UNC13B: variants seen among roughly 807,000 people sequenced by gnomAD.
UNC13B encodes the protein protein unc-13 homolog B.
UNC13B carries 144 observed loss-of-function variants against 211.0 expected under a neutral mutation model. That is an observed-to-expected ratio of 0.68 (90% CI 0.60 to 0.78). The LOEUF is 0.78. Among genes scored for constraint, UNC13B ranks in the 30% least tolerant of loss-of-function variants. The pLI is 0.00. For missense variants in UNC13B, 1,777 were observed against 2,002.0 expected, an observed-to-expected ratio of 0.89 and a Z score of 2.14; for synonymous variants, 709 against 725.8, an observed-to-expected ratio of 0.98 and a Z score of 0.37.
chr9:35,347,684 C>A (rs112995277), intron 11 of UNC13B, among the ~76,000 whole-genome samples: 2,092 of 152,264 alleles, frequency 0.014, 27 homozygotes, highest in Non-Finnish European at 0.022. Flanking sequence ...GGTGTGGAGG[C>A]TTTTGTTTGT....
At chr9:35,207,478 T>TTTA (rs1823724459) in intron 1 of UNC13B, among the ~76,000 whole-genome samples, 16 of 143,042 alleles carry the variant, frequency 1.1e-4, no homozygotes, top group African/African-American at 1.5e-4. Flanking sequence ...AGAAATTAAT[T>TTTA]TTTATTTATT....
chr9:35,376,313 C>A, intron 15 of UNC13B, 66 bp downstream of exon 15: 3 of 1,520,792 alleles, frequency 2.0e-6, no homozygotes, highest in Non-Finnish European at 2.7e-6. Context: ...TAGTCTGCAG[C>A]AAAGAGCTGG....
At chr9:35,342,627 A>G (rs1832075694) in intron 11 of UNC13B, among the ~76,000 whole-genome samples, 1 of 152,038 alleles carries the variant, frequency 6.6e-6, no homozygotes, top group African/African-American at 2.4e-5. Flanking sequence ...GTGCATATTC[A>G]TATACAAATA....
intron 1 of UNC13B, among the ~76,000 whole-genome samples, chr9:35,193,181 A>T (rs939950270): frequency 2.0e-5 from 3 of 152,130 alleles, no homozygotes; most frequent in Non-Finnish European, 4.4e-5. Flanking sequence ...CATTTGGGCA[A>T]TTGTTGCACT....
chr9:35,381,209 C>G lies in UNC13B; in HGVS notation c.10485C>G (p.Leu3495=). The change falls in exon 19 of 40, where the codon CTC becomes CTG. Residue 3495 remains leucine, a synonymous_variant. Transcript: ENST00000635942. ...VAPYHVQYTC[L]HENLFHYLTD... is the part of the protein sequence containing the mutation. ...CATACCACGTGCAGTATACATGTCT[C>G]CATGAGGTGAGCCAGCCCTTGGTAG... 1.9e-6 allele frequency: 3 copies of G among 1,613,152 alleles called. No individual in the cohort carries two copies. The highest frequency in any genetic ancestry group is 2.5e-6 in the Non-Finnish European group (3 of 1,179,594).
intron 11 of UNC13B, chr9:35,364,664 T>C: frequency 1.7e-6 from 2 of 1,208,386 alleles, no homozygotes; most frequent in Non-Finnish European, 2.3e-6. Context: ...TGTGTGTGTG[T>C]ACATGCACAT....
chr9:35,329,733 C>T (rs977986736), intron 11 of UNC13B, among the ~76,000 whole-genome samples: 3 of 152,126 alleles, frequency 2.0e-5, no homozygotes, highest in Non-Finnish European at 2.9e-5. Context: ...AAACAATCTG[C>T]CCCCCTTGGC....
chr9:35,399,038 A>G lies in UNC13B; in HGVS notation c.12074+4A>G. 2.5e-6 allele frequency: 4 copies of G among 1,613,804 alleles called. No homozygotes were observed. The highest frequency in any genetic ancestry group is 3.4e-6 in the Non-Finnish European group (4 of 1,179,768). ...TCATGGACTTCCTGGATGGCAAGTG[A>G]GTACAGCATTCAGGACTATCCTGTG... On this transcript the variant is annotated splice_donor_region_variant and intron_variant, in intron 33 of 39. Transcript: ENST00000635942.
At chr9:35,270,779 T>G (rs554241018) in intron 7 of UNC13B, among the ~76,000 whole-genome samples, 15 of 152,212 alleles carry the variant, frequency 9.9e-5, no homozygotes, top group African/African-American at 3.6e-4. Flanking sequence ...CATTTGTATG[T>G]GGTGTGATTT....
intron 16 of UNC13B, among the ~76,000 whole-genome samples, chr9:35,378,071 G>A (rs1366093268): frequency 6.6e-6 from 1 of 152,180 alleles, no homozygotes; most frequent in Admixed American, 6.5e-5. Context: ...AGGGTGTAAA[G>A]ATCAATATAG....
intron 1 of UNC13B, among the ~76,000 whole-genome samples, chr9:35,197,507 C>T (rs1399290681): frequency 6.6e-6 from 1 of 152,190 alleles, no homozygotes; most frequent in Non-Finnish European, 1.5e-5. Flanking sequence ...TACACCCAGC[C>T]ATTTTTCAAA....
At chr9:35,296,946 T>C (rs986415519) in intron 8 of UNC13B, among the ~76,000 whole-genome samples, 3 of 152,198 alleles carry the variant, frequency 2.0e-5, no homozygotes, top group Admixed American at 6.5e-5. Flanking sequence ...GTTATCTCCA[T>C]AATGTTCTGT....
At position 35,303,831 on chromosome 9, in the gene UNC13B, G is replaced by A. The variant is rs190135871; in HGVS notation, c.4427G>A (p.Ser1476Asn). The A allele has an allele frequency of 7.3e-5, 29 of 398,722 alleles. No homozygotes were observed. In the Admixed American group the frequency reaches 1.1e-3, roughly 16 times the overall value. The allele number at this position is 398,722 out of a possible 1,614,324, so 24.7% of individuals were successfully genotyped here. Residue 1476 changes from serine (S) to asparagine (N), a missense_variant, in exon 9 of 40, where the codon AGT (serine) becomes AAT (asparagine). Coordinates refer to ENST00000635942, the MANE Select transcript of UNC13B (RefSeq NM_001371189.2). ...NSLEELPIDLSSSSDHEKTTC... is the reference protein window; with the variant it reads ...NSLEELPIDLNSSSDHEKTTC... The stretch of plus-strand genomic sequence containing the variant: ...CTAGAAGAATTACCCATTGACTTAA[G>A]TTCTTCATCAGATCATGAAAAGACT...
intron 7 of UNC13B, among the ~76,000 whole-genome samples, chr9:35,290,106 C>T (rs1219171075): frequency 6.6e-6 from 1 of 152,080 alleles, no homozygotes; most frequent in Non-Finnish European, 1.5e-5. Context: ...TGGGATAGGA[C>T]TTAATTAATA....
chr9:35,356,306 G>A (rs1396683084), intron 11 of UNC13B, among the ~76,000 whole-genome samples: 16 of 152,056 alleles, frequency 1.1e-4, no homozygotes, highest in Admixed American at 9.8e-4. Flanking sequence ...TTTCTTTACT[G>A]TTCTGCTTGG....
rs1331287870 is a variant in UNC13B, at chr9:35,302,855, C to A, written c.3451C>A (p.Leu1151Met). The stretch of plus-strand genomic sequence containing the variant: ...TACCCAAGGAAGCTTCCTTTCTGGC[C>A]TGTTTAATAGGTTTTCTTCTGCTGA... ...KNTQGSFLSG[L>M]FNRFSSAENL... The change falls in exon 9 of 40, where the codon CTG becomes ATG. Residue 1151 changes from leucine to methionine, a missense_variant. Leu to Met is a conservative substitution (Grantham distance 15). Transcript: ENST00000635942. 2 of 398,418 alleles carry A rather than the reference C, an allele frequency of 5.0e-6. No individual in the cohort carries two copies. Among genetic ancestry groups the A allele is most frequent in the East Asian group, 7.1e-5 (2 of 28,066 alleles). 24.7% of individuals were successfully genotyped at this position (398,418 alleles called of 1,614,324 possible).
rs765508347 is a variant in UNC13B at position 35,306,458 on chromosome 9, C to G, written c.7054C>G (p.Leu2352Val). 2.5e-6 allele frequency: 1 copy of G among 399,026 alleles called. No homozygotes were observed. The allele number at this position is 399,026 out of a possible 1,614,324, so 24.7% of individuals were successfully genotyped here. A position where few individuals can be genotyped will look rare whatever the true frequency, so the allele number is the denominator to read the frequency against. The stretch of plus-strand genomic sequence containing the variant: ...AACATTCCTCACTGGCCCAGAGAAC[C>G]TTGGGATAGCTCCCCATGAAGAAGA... Reference protein sequence around the residue: ...AETFLTGPENLGIAPHEEEAF... With the variant: ...AETFLTGPENVGIAPHEEEAF... Residue 2352 changes from leucine to valine, a missense_variant, in exon 9 of 40, where the codon CTT (leucine) becomes GTT (valine). By Grantham distance (32) the Leu-to-Val change is conservative. Transcript: ENST00000635942.
chr9:35,345,905 TAG>T (rs759933340), intron 11 of UNC13B, among the ~76,000 whole-genome samples: 1 of 152,188 alleles, frequency 6.6e-6, no homozygotes, highest in Non-Finnish European at 1.5e-5. Context: ...TTCTTGGATA[TAG>T]AGGCTTGAAG....
intron 1 of UNC13B, among the ~76,000 whole-genome samples, chr9:35,219,198 T>C (rs1299125770): frequency 2.0e-5 from 3 of 152,208 alleles, no homozygotes; most frequent in Non-Finnish European, 2.9e-5. Context: ...TAGATTTCCA[T>C]ACACTCAACA....
Sources: gnomAD v4.1 joint callset for allele counts (sites outside exome capture counted in the v4.1 genomes callset) on GRCh38, gnomAD v4.1.1 for gene constraint, MANE v1.5 for transcripts, NCBI Gene and HGNC (gene_info 2026-07-23, HGNC 2026-07-21) for gene names.